The following SELPLG variants were observed in gnomAD, a reference collection of about 807,000 sequenced individuals.
SELPLG encodes the protein selectin P ligand.
SELPLG carries 2 observed loss-of-function variants against 1.1 expected under a neutral mutation model. The observed-to-expected ratio is 1.82, with a 90% CI of 0.74 to 5.71. The LOEUF (loss-of-function observed/expected upper bound fraction) is 5.71, where lower values mean the gene tolerates loss of function less well. Ranked by LOEUF, SELPLG falls within the 30% of genes most tolerant of loss-of-function variation. SELPLG has a pLI of 0.05. For missense variants in SELPLG, 478 were observed against 524.7 expected (o/e 0.91, Z 0.87); for synonymous variants, 230 against 221.2 (o/e 1.04, Z -0.35).
Position 108,623,128 on chromosome 12 carries a change from G to A in SELPLG, c.1180C>T (p.Pro394Ser), listed in dbSNP as rs759604413. 6 of 1,589,706 alleles carry A rather than the reference G, an allele frequency of 3.8e-6. No homozygotes were observed. The highest frequency in any genetic ancestry group is 5.1e-6 in the Non-Finnish European group (6 of 1,168,758). Reference protein sequence around the residue: ...LSKAKSPGLTPEPREDREGDD... With the variant: ...LSKAKSPGLTSEPREDREGDD... Reference sequence around the variant, plus strand: ...CCCTCACGGTCCTCCCTGGGCTCTGGCGTCAGGCCCGGGCTCTTGGCCTTG... The same window carrying A: ...CCCTCACGGTCCTCCCTGGGCTCTGACGTCAGGCCCGGGCTCTTGGCCTTG... The change falls in exon 2 of 2, where the codon CCA becomes TCA. Residue 394 changes from proline to serine, a missense_variant. Physicochemically the swap from Pro to Ser is moderately conservative, Grantham distance 74 (BLOSUM62 -1). Transcript: ENST00000550948.
intron 1 of SELPLG, among the ~76,000 whole-genome samples, chr12:108,628,059 T>C (rs1408959909): frequency 4.0e-5 from 6 of 151,778 alleles, no homozygotes; most frequent in Admixed American, 3.9e-4. Context: ...CCAGCCTGGG[T>C]GACAAAGCAA....
chr12:108,631,146 CACACCACATTTGCCAGCTGACACTTTG>C (rs1257123876), intron 1 of SELPLG, among the ~76,000 whole-genome samples: 1 of 152,232 alleles, frequency 6.6e-6, no homozygotes, highest in Admixed American at 6.5e-5. Flanking sequence ...TCACACTTTT[CACACCACATTTGCCAGCTGACACTTTG>C]CAACCTCTTT....
intron 1 of SELPLG, among the ~76,000 whole-genome samples, chr12:108,628,322 C>T (rs1168939112): frequency 8.3e-4 from 65 of 78,440 alleles, no homozygotes; most frequent in African/African-American, 2.6e-3. Context: ...AAATGTAACA[C>T]ACACACACAC....
chr12:108,630,407 G>C (rs2032027035), intron 1 of SELPLG, among the ~76,000 whole-genome samples: 1 of 152,262 alleles, frequency 6.6e-6, no homozygotes. Context: ...CTGGTGGTCA[G>C]AGCGGGCAGG....
intron 1 of SELPLG, among the ~76,000 whole-genome samples, chr12:108,632,418 GTGTGTGTGTGAA>G (rs1267772619): frequency 4.0e-5 from 6 of 150,304 alleles, no homozygotes; most frequent in African/African-American, 1.5e-4. Context: ...GTGTGTGTGT[GTGTGTGTGTGAA>G]TGTGTGTACA....
intron 1 of SELPLG, among the ~76,000 whole-genome samples, chr12:108,625,211 CA>C (rs2136763378): frequency 6.6e-6 from 1 of 152,278 alleles, no homozygotes; most frequent in South Asian, 2.1e-4. Flanking sequence ...TGCCCACTGC[CA>C]TGCCACCTCT....
At chr12:108,633,229 G>C (rs2032091752) in intron 1 of SELPLG, among the ~76,000 whole-genome samples, 1 of 152,212 alleles carries the variant, frequency 6.6e-6, no homozygotes, top group Admixed American at 6.5e-5. Flanking sequence ...GGGAGGCTGG[G>C]GCTGGTGGGT....
intron 1 of SELPLG, among the ~76,000 whole-genome samples, chr12:108,630,985 C>G (rs2032038597): frequency 6.6e-6 from 1 of 152,200 alleles, no homozygotes; most frequent in Admixed American, 6.5e-5. Context: ...GCTGTCTGCT[C>G]TGCTGCCCCC....
chr12:108,632,258 G>C (rs527959367), intron 1 of SELPLG, among the ~76,000 whole-genome samples: 21 of 152,310 alleles, frequency 1.4e-4, no homozygotes, highest in African/African-American at 4.8e-4. Flanking sequence ...GCCACCTTCT[G>C]AGGCCCCGGC....
Position 108,624,215 on chromosome 12 carries a change from G to A in SELPLG, c.93C>T (p.Ala31=). The change falls in exon 2 of 2, where the codon GCC becomes GCT. Residue 31 remains alanine (A), a synonymous_variant. Coordinates refer to ENST00000550948, the MANE Select transcript of SELPLG (RefSeq NM_003006.4). ...WDTWADEAEK[A]LGPLLARDRR... is the part of the protein sequence containing the mutation. Reference sequence around the variant, plus strand: ...GGTCCCGGGCAAGCAGGGGACCCAAGGCTTTCTCGGCTTCATCTGCCCAGG... The same window carrying A: ...GGTCCCGGGCAAGCAGGGGACCCAAAGCTTTCTCGGCTTCATCTGCCCAGG... 1 of 1,614,234 alleles carries A rather than the reference G, an allele frequency of 6.2e-7. No individual in the cohort carries two copies. The highest frequency in any genetic ancestry group is 8.5e-7 in the Non-Finnish European group (1 of 1,180,034).
rs56920776 is a variant in SELPLG, at chr12:108,625,093, G to A, written c.-5-781C>T. The stretch of plus-strand genomic sequence containing the variant: ...ATAAATAGATTAATTGACCACTTAC[G>A]AAGTCCATAAGCAGAAGAGTTTGTA... On this transcript the variant is annotated intron_variant, in intron 1 of 1. Coordinates refer to ENST00000550948, the MANE Select transcript of SELPLG (RefSeq NM_003006.4). 3.9e-3 allele frequency among the ~76,000 whole-genome samples: 598 copies of A among 152,208 alleles called. 5 individuals are homozygous for A. The highest frequency in any genetic ancestry group is 0.013 in the African/African-American group (549 of 41,528).
rs1352729362 is a variant in SELPLG, at chr12:108,623,035, G to A, written c.*34C>T. On this transcript the variant is annotated 3_prime_UTR_variant, in exon 2 of 2. Transcript: ENST00000550948. ...GGGGTGGCCCAGGAGAGCCCGTGGA[G>A]GTGGGGTCTTGCCAAAACAGATGGC... 6.8e-7 allele frequency: 1 copy of A among 1,460,596 alleles called. No homozygotes were observed. Among genetic ancestry groups the A allele is most frequent in the Non-Finnish European group, 9.1e-7 (1 of 1,104,658 alleles). 90.5% of individuals were successfully genotyped at this position (1,460,596 alleles called of 1,614,324 possible).
chr12:108,633,234 G>C (rs955083344), intron 1 of SELPLG, among the ~76,000 whole-genome samples: 1 of 152,214 alleles, frequency 6.6e-6, no homozygotes, highest in Non-Finnish European at 1.5e-5. Flanking sequence ...GCTGGGGCTG[G>C]TGGGTCACAC....
At chr12:108,626,677 T>A (rs1377470469) in intron 1 of SELPLG, among the ~76,000 whole-genome samples, 1 of 152,006 alleles carries the variant, frequency 6.6e-6, no homozygotes, top group African/African-American at 2.4e-5. Flanking sequence ...TTAATTTTTT[T>A]TTTTTTGTAG....
In SELPLG at chr12:108,623,162, C is replaced by T. The variant is rs1235269219; in HGVS notation, c.1146G>A (p.Gly382=). The change falls in exon 2 of 2, where the codon GGG becomes GGA. Residue 382 remains glycine (G), a synonymous_variant. Coordinates refer to ENST00000550948, the MANE Select transcript of SELPLG (RefSeq NM_003006.4). ...CCGGGCTCTTGGCCTTGGACAGGCC[C>T]CCATTGGCTGTGGCAGAGGGCCCCT... ...GGEGPSATAN[G]GLSKAKSPGL... is the part of the protein sequence containing the mutation. The T allele has an allele frequency of 1.9e-6, 3 of 1,612,814 alleles. No individual in the cohort carries two copies. Among genetic ancestry groups the T allele is most frequent in the Non-Finnish European group, 2.5e-6 (3 of 1,179,404 alleles).
intron 1 of SELPLG, among the ~76,000 whole-genome samples, chr12:108,632,415 T>TGC (rs1451419955): frequency 2.0e-5 from 3 of 150,846 alleles, no homozygotes; most frequent in Non-Finnish European, 2.9e-5. Context: ...TGTGTGTGTG[T>TGC]GTGTGTGTGT....
At chr12:108,629,603 G>A (rs2032007721) in intron 1 of SELPLG, among the ~76,000 whole-genome samples, 1 of 152,164 alleles carries the variant, frequency 6.6e-6, no homozygotes, top group African/African-American at 2.4e-5. Context: ...CAGCTACTCG[G>A]GAGGCTGAGG....
rs2031833474 is a variant in SELPLG at position 108,622,139 on chromosome 12, T to G, written c.*930A>C. On this transcript the variant is annotated 3_prime_UTR_variant, in exon 2 of 2. Coordinates refer to ENST00000550948, the MANE Select transcript of SELPLG (RefSeq NM_003006.4). ...AAACTGAAGTCAACCTAACAGCCCA[T>G]GAAAGAGGCTTCCTGGGGGGCCAGG... 6.6e-6 allele frequency: 1 copy of G among 152,326 alleles called. No individual in the cohort carries two copies. Among genetic ancestry groups the G allele is most frequent in the Non-Finnish European group, 1.5e-5 (1 of 68,152 alleles). The allele number at this position is 152,326 out of a possible 1,614,324, so 9.4% of individuals were successfully genotyped here.
In SELPLG at chr12:108,624,331, CGGAG is replaced by C; in HGVS notation, c.-5-23_-5-20del. 1 of 1,606,548 alleles carries C rather than the reference CGGAG, an allele frequency of 6.2e-7. No individual in the cohort carries two copies. Among genetic ancestry groups the C allele is most frequent in the Non-Finnish European group, 8.5e-7 (1 of 1,175,774 alleles). On this transcript the variant is annotated intron_variant, in intron 1 of 1. Coordinates refer to ENST00000550948, the MANE Select transcript of SELPLG (RefSeq NM_003006.4). ...ATGGCACCTAGGAGGAGACAATGGG[CGGAG>C]GGATGTCAAGACAGTTTCACCCTTG...
Sources: gnomAD v4.1 joint callset for allele counts (sites outside exome capture counted in the v4.1 genomes callset) on GRCh38, gnomAD v4.1.1 for gene constraint, MANE v1.5 for transcripts, NCBI Gene and HGNC (gene_info 2026-07-23, HGNC 2026-07-21) for gene names.